NRXN2: variants seen among roughly 807,000 people sequenced by gnomAD.
NRXN2 encodes neurexin-2-beta.
In NRXN2, 29 loss-of-function variants were observed where a neutral mutation model predicts 128.8. The observed-to-expected ratio is 0.23, with a 90% confidence interval of 0.17 to 0.31. The LOEUF (loss-of-function observed/expected upper bound fraction) is 0.31. Among genes scored for constraint, NRXN2 ranks in the 10% least tolerant of loss-of-function variants. The pLI, the probability that NRXN2 is intolerant of heterozygous loss-of-function variation, is 1.00. For missense variants in NRXN2, 1,881 were observed against 2,452.6 expected (o/e 0.77, Z 4.92); for synonymous variants, 1,098 against 1,075.2 (o/e 1.02, Z -0.41).
intron 11 of NRXN2, among the ~76,000 whole-genome samples, chr11:64,657,426 C>T (rs1032058162): frequency 6.6e-6 from 1 of 152,224 alleles, no homozygotes; most frequent in Non-Finnish European, 1.5e-5. Flanking sequence ...GCTCCAAACT[C>T]AAGTCTCTAT....
chr11:64,685,047 C>T (rs781067351), intron 6 of NRXN2, among the ~76,000 whole-genome samples: 2 of 152,178 alleles, frequency 1.3e-5, no homozygotes, highest in Non-Finnish European at 2.9e-5. Flanking sequence ...CCTCTCTGCT[C>T]CTGCTCTCTG....
At chr11:64,686,035 C>T (rs984004098) in intron 5 of NRXN2, 88 bp from the exon 6 acceptor site, 2 of 1,473,588 alleles carry the variant, frequency 1.4e-6, no homozygotes, top group African/African-American at 1.4e-5. Flanking sequence ...AACGCAGGCA[C>T]TGGTCCTGGG....
intron 2 of NRXN2, among the ~76,000 whole-genome samples, chr11:64,702,207 G>A (rs905262537): frequency 2.0e-5 from 3 of 151,288 alleles, no homozygotes; most frequent in South Asian, 2.1e-4. Flanking sequence ...CGGGCCAGCC[G>A]CCCCGTCCGG....
Position 64,660,387 on chromosome 11 carries a change from G to A in NRXN2, c.2334C>T (p.Ala778=), listed in dbSNP as rs751330568. 4.4e-5 allele frequency: 71 copies of A among 1,614,030 alleles called. No homozygotes were observed. Among genetic ancestry groups the A allele is most frequent in the Non-Finnish European group, 5.7e-5 (67 of 1,180,026 alleles). Residue 778 remains alanine, a synonymous_variant, in exon 11 of 23, where the codon GCC becomes GCT. Transcript: ENST00000265459. The surrounding 1 kb of genome is among the most constrained non-coding windows in gnomAD (Gnocchi z 5.2). ...CATCCAGCTCCAGGCGTAGGGTGTC[G>A]GCAGACTCCCTGGAAGTGGTGGCCA... The part of the protein sequence containing the change: ...LMMATTSRES[A]DTLRLELDGG...
chr11:64,639,730 AGAGAG>A (rs987059476), intron 17 of NRXN2, among the ~76,000 whole-genome samples: 8 of 152,064 alleles, frequency 5.3e-5, no homozygotes, highest in African/African-American at 1.9e-4. Context: ...TGTGAAGAGA[AGAGAG>A]GAGAGAAGGC....
chr11:64,713,241 G>A lies in NRXN2; in HGVS notation c.459C>T (p.Gly153=). ...AGAGGCGCACGTCGGGCGGGATGCC[G>A]CCCACGAACAGGTCGCTGGCCACCT... The part of the protein sequence containing the change: ...EMQVASDLFV[G]GIPPDVRLSA... The change falls in exon 2 of 23, where the codon GGC becomes GGT. Residue 153 remains glycine (G), a synonymous_variant. Transcript: ENST00000265459. 1 of 1,458,022 alleles carries A rather than the reference G, an allele frequency of 6.9e-7. No individual in the cohort carries two copies. Among genetic ancestry groups the A allele is most frequent in the South Asian group, 1.3e-5 (1 of 76,666 alleles). The allele number at this position is 1,458,022 out of a possible 1,614,324, so 90.3% of individuals were successfully genotyped here. A position where few individuals can be genotyped will look rare whatever the true frequency, so the allele number is the denominator to read the frequency against.
chr11:64,684,240 G>A (rs1212455267), intron 6 of NRXN2, among the ~76,000 whole-genome samples: 2 of 152,120 alleles, frequency 1.3e-5, no homozygotes, highest in Non-Finnish European at 2.9e-5. Context: ...AAGCACTAGA[G>A]GCAACTCCTC....
At chr11:64,664,906 C>T (rs1346337625) in intron 9 of NRXN2, among the ~76,000 whole-genome samples, 1 of 151,718 alleles carries the variant, frequency 6.6e-6, no homozygotes, top group African/African-American at 2.4e-5. Flanking sequence ...AGGAGAATCG[C>T]TTGAACCCAG....
chr11:64,716,790 C>T (rs1456279933), intron 1 of NRXN2, among the ~76,000 whole-genome samples: 2 of 152,256 alleles, frequency 1.3e-5, no homozygotes, highest in Admixed American at 1.3e-4. Flanking sequence ...AGTCCTCTCT[C>T]CCCCGGGATC....
chr11:64,611,880 G>A (rs2040699771), intron 22 of NRXN2, among the ~76,000 whole-genome samples: 1 of 151,854 alleles, frequency 6.6e-6, no homozygotes, highest in Non-Finnish European at 1.5e-5. Context: ...ATCTCCTGAG[G>A]TGTCCTCCCC....
rs1245983109 is a variant in NRXN2 at position 64,648,118 on chromosome 11, CTCCTGA to C, written c.3403+95_3403+100del. The C allele has an allele frequency of 6.6e-6, 10 of 1,522,808 alleles. No individual in the cohort carries two copies. Among genetic ancestry groups the C allele is most frequent in the Non-Finnish European group, 7.2e-6 (8 of 1,103,814 alleles). The allele number at this position is 1,522,808 out of a possible 1,614,324, so 94.3% of individuals were successfully genotyped here. A position where few individuals can be genotyped will look rare whatever the true frequency, so the allele number is the denominator to read the frequency against. On this transcript the variant is annotated intron_variant, in intron 17 of 22. Transcript: ENST00000265459. This position sits in a 1 kb window ranked among gnomAD's most constrained non-coding sequence, Gnocchi z 4.1. ...GGATGAGAAGGAAGAAGCAGCACAG[CTCCTGA>C]ATGCTCAGAGGCCCTGTTTCCTCCC...
In NRXN2 at chr11:64,607,415, C is replaced by T. The variant is rs1365494475; in HGVS notation, c.4920G>A (p.Val1640=). ...AGAGCGCCGCCGCCGCCACAATGCC[C>T]ACCACCATGCCCGTGGTGCTGCTGG... The part of the protein sequence containing the change: ...RESSSTTGMV[V]GIVAAAALCI... The change falls in exon 23 of 23, where the codon GTG becomes GTA. Residue 1640 remains valine, a synonymous_variant. Transcript: ENST00000265459. 3.1e-6 allele frequency: 5 copies of T among 1,613,134 alleles called. No homozygotes were observed. The highest frequency in any genetic ancestry group is 2.2e-5 in the South Asian group (2 of 91,088).
chr11:64,622,972 G>A lies in NRXN2; in HGVS notation c.3954C>T (p.Leu1318=), dbSNP rs1249054849. Reference sequence around the variant, plus strand: ...TCTCGGCGGCCAGCGCCAGCACCTTGAGCCCATTGTAGTAGAGGCCGGACA... The same window carrying A: ...TCTCGGCGGCCAGCGCCAGCACCTTAAGCCCATTGTAGTAGAGGCCGGACA... ...GQVSGLYYNG[L]KVLALAAESD... Residue 1318 remains leucine (L), a synonymous_variant, in exon 21 of 23, where the codon CTC becomes CTT. Coordinates refer to ENST00000265459, the MANE Select transcript of NRXN2 (RefSeq NM_015080.4). This position sits in a 1 kb window ranked among gnomAD's most constrained non-coding sequence, Gnocchi z 4.3. 1 of 1,613,412 alleles carries A rather than the reference G, an allele frequency of 6.2e-7. No homozygotes were observed.
chr11:64,634,046 G>A (rs1261940547), intron 18 of NRXN2, among the ~76,000 whole-genome samples: 1 of 152,156 alleles, frequency 6.6e-6, no homozygotes, highest in Non-Finnish European at 1.5e-5. Context: ...GTGTAATGAA[G>A]GCCAGTGGCT....
intron 22 of NRXN2, among the ~76,000 whole-genome samples, chr11:64,614,188 T>C (rs1781209116): frequency 6.6e-6 from 1 of 152,160 alleles, no homozygotes. Flanking sequence ...CAGTAAAACT[T>C]CTCACCTGAA....
intron 17 of NRXN2, among the ~76,000 whole-genome samples, chr11:64,636,101 A>AGGTGGG (rs1555029189): frequency 9.9e-6 from 1 of 100,698 alleles, no homozygotes; most frequent in Non-Finnish European, 2.2e-5. Context: ...GACAGCCATG[A>AGGTGGG]GGTGGGGGTG....
chr11:64,656,679 C>G (rs1397026632), intron 11 of NRXN2, among the ~76,000 whole-genome samples: 1 of 150,938 alleles, frequency 6.6e-6, no homozygotes, highest in Non-Finnish European at 1.5e-5. Flanking sequence ...CTGGCCTGTC[C>G]TCTCCTCCCC....
In NRXN2 at chr11:64,650,636, T is replaced by A; in HGVS notation, c.2921A>T (p.Tyr974Phe). The A allele has an allele frequency of 6.2e-7, 1 of 1,614,016 alleles. No homozygotes were observed. Among genetic ancestry groups the A allele is most frequent in the Non-Finnish European group, 8.5e-7 (1 of 1,179,950 alleles). Reference sequence around the variant, plus strand: ...CCCCAGGTCAAACACGTAGTGGATGTACCTGCCCCACAGTAGGGAGGAGAC... The same window carrying A: ...CCCCAGGTCAAACACGTAGTGGATGAACCTGCCCCACAGTAGGGAGGAGAC... ...DFIVIELVKG[Y>F]IHYVFDLGNG... The change falls in exon 15 of 23, where the codon TAC (tyrosine) becomes TTC (phenylalanine). Residue 974 changes from tyrosine (Y) to phenylalanine (F), a missense_variant and splice_region_variant. This residue lies in a region of NRXN2 where 390 missense variants were observed against 599.6 expected (regional missense o/e 0.65). Coordinates refer to ENST00000265459, the MANE Select transcript of NRXN2 (RefSeq NM_015080.4).
intron 22 of NRXN2, among the ~76,000 whole-genome samples, 188 bp from the exon 23 acceptor site, chr11:64,608,270 A>C (rs1408249158): frequency 6.6e-6 from 1 of 152,214 alleles, no homozygotes; most frequent in African/African-American, 2.4e-5. Flanking sequence ...GCAGCGGCTC[A>C]GATGCCCTGG....
Sources: allele counts gnomAD v4.1 joint callset (sites outside exome capture counted in the v4.1 genomes callset), GRCh38; gene constraint gnomAD v4.1.1; regional missense constraint gnomAD v4.1.1; non-coding constraint Gnocchi (gnomAD v3.1); transcripts MANE v1.5; gene names NCBI Gene and HGNC (gene_info 2026-07-23, HGNC 2026-07-21).